The following USP53 variants were observed in gnomAD, a reference collection of about 807,000 sequenced individuals.
USP53 encodes ubiquitin specific peptidase 53, also known as ubiquitin carboxyl-terminal hydrolase 53.
USP53 carries 71 observed loss-of-function variants against 94.9 expected under a neutral mutation model. That is an observed-to-expected ratio of 0.75 (90% CI 0.62 to 0.91). The LOEUF (loss-of-function observed/expected upper bound fraction) is 0.91. Among genes scored for constraint, USP53 ranks in the 40% least tolerant of loss-of-function variants. The pLI is 0.00. For missense variants in USP53, 1,173 were observed against 1,281.0 expected (o/e 0.92, Z 1.29); for synonymous variants, 375 against 422.7 (o/e 0.89, Z 1.39).
chr4:119,292,203 T>C, intron 18 of USP53, 135 bp from the exon 19 acceptor site: 1 of 959,528 alleles, frequency 1.0e-6, no homozygotes, highest in East Asian at 2.9e-5. Flanking sequence ...TATCTTTCCA[T>C]TTTTGTGGTT....
chr4:119,249,034 T>C, intron 7 of USP53, 152 bp downstream of exon 7: 2 of 946,280 alleles, frequency 2.1e-6, no homozygotes, highest in South Asian at 3.9e-5. Flanking sequence ...CCTTCAAGCC[T>C]CAACTTCAAT....
Position 119,292,487 on chromosome 4 carries a change from T to C in USP53, c.2498T>C (p.Ile833Thr), listed in dbSNP as rs1754868230. 1 of 1,613,990 alleles carries C rather than the reference T, an allele frequency of 6.2e-7. No homozygotes were observed. The highest frequency in any genetic ancestry group is 1.1e-5 in the South Asian group (1 of 91,062). ...NECKFSEWLNIENSERTGLPF... is the reference protein window; with the variant it reads ...NECKFSEWLNTENSERTGLPF... ...TGCAAATTTTCTGAGTGGCTTAATA[T>C]AGAAAATTCTGAGAGAACAGGTTTG... is the stretch of plus-strand genomic sequence containing the variant. Residue 833 changes from isoleucine to threonine, a missense_variant, in exon 19 of 19, where the codon ATA becomes ACA. Physicochemically the swap from Ile to Thr is moderately conservative, Grantham distance 89. Transcript: ENST00000692078.
intron 7 of USP53, among the ~76,000 whole-genome samples, chr4:119,249,346 T>A (rs1224085585): frequency 6.6e-6 from 1 of 152,132 alleles, no homozygotes; most frequent in African/African-American, 2.4e-5. Context: ...ATCACTGAGG[T>A]TGATGTTCTC....
At chr4:119,227,318 G>A (rs1745427999) in intron 3 of USP53, among the ~76,000 whole-genome samples, 1 of 98,848 alleles carries the variant, frequency 1.0e-5, no homozygotes, top group East Asian at 2.7e-4. Flanking sequence ...ATGAATCATA[G>A]AGCTAACCAT....
intron 7 of USP53, 35 bp downstream of exon 7, chr4:119,248,917 T>G (rs1027720787): frequency 1.2e-6 from 2 of 1,610,706 alleles, no homozygotes; most frequent in Non-Finnish European, 1.7e-6. Context: ...GAAGTCAGGA[T>G]AGTAGTTTTC....
chr4:119,266,710 C>CTT (rs762057020), intron 12 of USP53, among the ~76,000 whole-genome samples: 6 of 149,668 alleles, frequency 4.0e-5, no homozygotes, highest in Non-Finnish European at 7.4e-5. Flanking sequence ...CTGTATGTTG[C>CTT]TTATTTTTTT....
intron 12 of USP53, among the ~76,000 whole-genome samples, chr4:119,266,032 C>T (rs1348439227): frequency 6.6e-6 from 1 of 152,176 alleles, no homozygotes; most frequent in African/African-American, 2.4e-5. Context: ...TGTTGTCATA[C>T]TCCCCACACC....
At chr4:119,274,344 C>T (rs972986796) in intron 17 of USP53, among the ~76,000 whole-genome samples, 33 of 149,462 alleles carry the variant, frequency 2.2e-4, no homozygotes, top group Non-Finnish European at 1.2e-4. Context: ...GAGAATATGC[C>T]GTGTTTGGTT....
chr4:119,255,532 C>T (rs1471478316), intron 7 of USP53, among the ~76,000 whole-genome samples: 5 of 152,312 alleles, frequency 3.3e-5, no homozygotes, highest in East Asian at 1.9e-4. Context: ...AGCAAGGCTC[C>T]GTGGGTGTCG....
chr4:119,287,223 C>T (rs538788567), intron 17 of USP53, among the ~76,000 whole-genome samples: 13 of 151,732 alleles, frequency 8.6e-5, no homozygotes, highest in East Asian at 1.9e-4. Context: ...TTTAAAGGCA[C>T]GTATATAATC....
chr4:119,232,632 T>C (rs1046584801), intron 3 of USP53, among the ~76,000 whole-genome samples: 4 of 152,194 alleles, frequency 2.6e-5, no homozygotes, highest in South Asian at 2.1e-4. Context: ...AAATATTTAT[T>C]GAGAGAATAA....
At chr4:119,224,000 T>G (rs1477195973) in intron 3 of USP53, among the ~76,000 whole-genome samples, 3 of 152,172 alleles carry the variant, frequency 2.0e-5, no homozygotes, top group Non-Finnish European at 4.4e-5. Flanking sequence ...ATTTTTTATG[T>G]ATTTTATTTT....
At chr4:119,285,028 G>C in intron 17 of USP53, among the ~76,000 whole-genome samples, 1 of 151,924 alleles carries the variant, frequency 6.6e-6, no homozygotes, top group South Asian at 2.1e-4. Context: ...GTTTTCAAGT[G>C]GACATGCTTG....
intron 12 of USP53, among the ~76,000 whole-genome samples, chr4:119,266,571 G>A (rs1751155000): frequency 6.6e-6 from 1 of 152,054 alleles, no homozygotes; most frequent in East Asian, 1.9e-4. Context: ...CTTTTCATGT[G>A]CTTGTTTGAC....
chr4:119,239,754 T>C lies in USP53; in HGVS notation c.-6T>C, dbSNP rs769286768. 13 of 1,604,034 alleles carry C rather than the reference T, an allele frequency of 8.1e-6. 1 individual carries two copies. The South Asian group carries it at 1.3e-4, about 17-fold the overall frequency. On this transcript the variant is annotated 5_prime_UTR_variant, in exon 5 of 19. Transcript: ENST00000692078. ...TTAGCCTAAATGCAAACAAAGTTGC[T>C]TGAAAATGGCATGGGTAAAATTCTT...
chr4:119,289,059 A>C (rs1202425761), intron 17 of USP53, among the ~76,000 whole-genome samples: 1 of 152,330 alleles, frequency 6.6e-6, no homozygotes, highest in Non-Finnish European at 1.5e-5. Flanking sequence ...AGATACTAGC[A>C]GAAAGTCTTT....
chr4:119,233,597 A>G (rs1746351079), intron 3 of USP53, among the ~76,000 whole-genome samples: 1 of 152,092 alleles, frequency 6.6e-6, no homozygotes. Context: ...GCTCACTAGT[A>G]TATTCTTGCC....
intron 15 of USP53, among the ~76,000 whole-genome samples, chr4:119,270,207 G>A (rs981712423): frequency 2.0e-5 from 3 of 151,484 alleles, no homozygotes; most frequent in East Asian, 1.9e-4. Context: ...CTCTCCTCAC[G>A]TCTTAGCCTC....
In USP53 at chr4:119,271,292, T is replaced by C; in HGVS notation, c.1436-4T>C. 1 of 1,533,254 alleles carries C rather than the reference T, an allele frequency of 6.5e-7. No homozygotes were observed. Among genetic ancestry groups the C allele is most frequent in the Non-Finnish European group, 8.7e-7 (1 of 1,145,958 alleles). 95.0% of individuals were successfully genotyped at this position (1,533,254 alleles called of 1,614,324 possible). A position where few individuals can be genotyped will look rare whatever the true frequency, so the allele number is the denominator to read the frequency against. ...CATGTGTATCTTTAATTTTTTTTTT[T>C]AAGATTTGGTTGATGAAGACCTTTC... is the stretch of plus-strand genomic sequence containing the variant. On this transcript the variant is annotated splice_polypyrimidine_tract_variant and splice_region_variant and intron_variant, in intron 15 of 18. Coordinates refer to ENST00000692078, the MANE Select transcript of USP53 (RefSeq NM_001371395.1).
Sources: gnomAD v4.1 joint callset for allele counts (sites outside exome capture counted in the v4.1 genomes callset) on GRCh38, gnomAD v4.1.1 for gene constraint, MANE v1.5 for transcripts, NCBI Gene and HGNC (gene_info 2026-07-23, HGNC 2026-07-21) for gene names.